Variants in SEMA5A observed in about 807,000 individuals in gnomAD.
SEMA5A encodes semaphorin-5A.
SEMA5A carries 55 observed loss-of-function variants against 135.5 expected under a neutral mutation model. The observed-to-expected ratio is 0.41, with a 90% CI of 0.33 to 0.51. SEMA5A has a LOEUF of 0.51. Ranked by LOEUF, SEMA5A falls within the 20% of genes least tolerant of loss-of-function variation. The pLI, the probability that SEMA5A is intolerant of heterozygous loss-of-function variation, is 0.37. For missense variants in SEMA5A, 1,290 were observed against 1,419.9 expected (o/e 0.91, Z 1.47); for synonymous variants, 580 against 546.5 (o/e 1.06, Z -0.85).
At chr5:9,159,316 T>A (rs939942467) in intron 11 of SEMA5A, among the ~76,000 whole-genome samples, 1 of 152,224 alleles carries the variant, frequency 6.6e-6, no homozygotes, top group Non-Finnish European at 1.5e-5. Flanking sequence ...TTACTGAGGA[T>A]ACAGACTGAA....
In SEMA5A at chr5:9,459,203, A is replaced by AT. The variant is rs1758963031; in HGVS notation, c.-174-21352dup. 2.6e-5 allele frequency among the ~76,000 whole-genome samples: 4 copies of AT among 152,296 alleles called. No individual in the cohort carries two copies. The South Asian group carries it at 8.3e-4, about 32-fold the overall frequency. Reference sequence around the variant, plus strand: ...CTTTGAGGGATCGTAATTTAAACAGATTTTAAGGCAGCTACCCTGATACCT... The same window carrying AT: ...CTTTGAGGGATCGTAATTTAAACAGATTTTTAAGGCAGCTACCCTGATACCT... On this transcript the variant is annotated intron_variant, in intron 1 of 22. Coordinates refer to ENST00000382496, the MANE Select transcript of SEMA5A (RefSeq NM_003966.3).
chr5:9,207,882 TA>T (rs200870375), intron 8 of SEMA5A, among the ~76,000 whole-genome samples: 1 of 41,072 alleles, frequency 2.4e-5, no homozygotes, highest in African/African-American at 8.8e-5. Flanking sequence ...GATAGATAGA[TA>T]GATAGATAGA....
intron 11 of SEMA5A, among the ~76,000 whole-genome samples, chr5:9,156,466 T>C (rs1321120777): frequency 6.6e-6 from 1 of 152,158 alleles, no homozygotes; most frequent in African/African-American, 2.4e-5. Flanking sequence ...AGCCTTCCTG[T>C]GGAGCAGTGA....
intron 6 of SEMA5A, among the ~76,000 whole-genome samples, chr5:9,231,539 T>C (rs1747632528): frequency 6.6e-6 from 1 of 151,458 alleles, no homozygotes. Context: ...TAGTCTCCTC[T>C]TGATGGTGTT....
At chr5:9,406,221 T>A (rs1364187175) in intron 2 of SEMA5A, among the ~76,000 whole-genome samples, 1 of 152,200 alleles carries the variant, frequency 6.6e-6, no homozygotes, top group East Asian at 1.9e-4. Flanking sequence ...AATGACTTAC[T>A]TACTGCTAAG....
At chr5:9,082,629 G>A (rs1738453790) in intron 16 of SEMA5A, among the ~76,000 whole-genome samples, 1 of 152,162 alleles carries the variant, frequency 6.6e-6, no homozygotes, top group African/African-American at 2.4e-5. Context: ...TAGAAAGAAA[G>A]TCATCCACAA....
intron 5 of SEMA5A, among the ~76,000 whole-genome samples, chr5:9,277,594 A>T (rs1750327999): frequency 6.6e-6 from 1 of 152,232 alleles, no homozygotes; most frequent in Non-Finnish European, 1.5e-5. Context: ...GACTGGATAA[A>T]GAAAATGTGG....
At chr5:9,508,454 C>T (rs938220289) in intron 1 of SEMA5A, among the ~76,000 whole-genome samples, 16 of 152,204 alleles carry the variant, frequency 1.1e-4, no homozygotes, top group Non-Finnish European at 1.9e-4. Flanking sequence ...CTCCACGTTG[C>T]AGAAGGGATA....
At chr5:9,195,327 G>A (rs569053391) in intron 10 of SEMA5A, among the ~76,000 whole-genome samples, 1 of 152,096 alleles carries the variant, frequency 6.6e-6, no homozygotes, top group Non-Finnish European at 1.5e-5. Flanking sequence ...CACCGTGCCT[G>A]GCTAATTTTT....
At chr5:9,360,432 A>G (rs73052649) in intron 3 of SEMA5A, among the ~76,000 whole-genome samples, 1,546 of 152,332 alleles carry the variant, frequency 0.01, 26 homozygotes, top group African/African-American at 0.035. Flanking sequence ...GAGAGAGTAG[A>G]TTATGAGATA....
chr5:9,118,143 A>C (rs2150175760), intron 15 of SEMA5A, among the ~76,000 whole-genome samples: 2 of 152,364 alleles, frequency 1.3e-5, no homozygotes, highest in East Asian at 3.9e-4. Flanking sequence ...CAGTGAGCTC[A>C]TGTCATCAAA....
intron 5 of SEMA5A, among the ~76,000 whole-genome samples, chr5:9,267,645 C>T (rs1233859413): frequency 6.6e-6 from 1 of 152,076 alleles, no homozygotes; most frequent in Non-Finnish European, 1.5e-5. Context: ...CCTCTGACTG[C>T]CCTGGTCTCT....
intron 2 of SEMA5A, among the ~76,000 whole-genome samples, chr5:9,435,658 C>G (rs1758003208): frequency 6.6e-6 from 1 of 152,186 alleles, no homozygotes; most frequent in Admixed American, 6.5e-5. Flanking sequence ...TCAATCATAG[C>G]TCAGAAAGCT....
At chr5:9,118,949 T>A in intron 15 of SEMA5A, 49 bp downstream of exon 15, 7 of 1,588,422 alleles carry the variant, frequency 4.4e-6, no homozygotes, top group Non-Finnish European at 6.0e-6. Context: ...CTGGCCGGAA[T>A]GAGAGTAAGC....
intron 16 of SEMA5A, among the ~76,000 whole-genome samples, chr5:9,099,027 AC>A (rs1371555530): frequency 1.3e-5 from 2 of 152,202 alleles, no homozygotes; most frequent in East Asian, 3.8e-4. Flanking sequence ...TATAAATAAA[AC>A]ATTTTTGTGA....
At chr5:9,386,938 C>T (rs1467180760) in intron 2 of SEMA5A, among the ~76,000 whole-genome samples, 1 of 152,166 alleles carries the variant, frequency 6.6e-6, no homozygotes, top group Non-Finnish European at 1.5e-5. Context: ...CTTGGTACAT[C>T]TGAGACAAGA....
At chr5:9,288,690 CTAAGAA>C (rs1221345944) in intron 5 of SEMA5A, among the ~76,000 whole-genome samples, 3 of 152,102 alleles carry the variant, frequency 2.0e-5, no homozygotes, top group African/African-American at 7.2e-5. Context: ...TAGGGCAATG[CTAAGAA>C]TAAGTCTTTT....
intron 15 of SEMA5A, among the ~76,000 whole-genome samples, chr5:9,113,471 A>C: frequency 6.6e-6 from 1 of 152,190 alleles, no homozygotes; most frequent in Non-Finnish European, 1.5e-5. Flanking sequence ...CACACACACA[A>C]AAAAGAAAAA....
chr5:9,308,770 T>G (rs1374934945), intron 5 of SEMA5A, among the ~76,000 whole-genome samples: 1 of 152,152 alleles, frequency 6.6e-6, no homozygotes, highest in Non-Finnish European at 1.5e-5. Context: ...TGATCTTGGC[T>G]AAATCACATA....
Sources: allele counts gnomAD v4.1 joint callset (sites outside exome capture counted in the v4.1 genomes callset), GRCh38; gene constraint gnomAD v4.1.1; transcripts MANE v1.5; gene names NCBI Gene and HGNC (gene_info 2026-07-23, HGNC 2026-07-21).